The following C1QTNF3 variants were observed in gnomAD, a reference collection of about 807,000 sequenced individuals.
The protein encoded by C1QTNF3 is C1q and TNF related 3, also known as complement C1q tumor necrosis factor-related protein 3.
C1QTNF3 carries 26 observed loss-of-function variants against 32.6 expected under a neutral mutation model. The ratio of observed to expected loss-of-function variants is 0.80; its 90% CI spans 0.58 to 1.11. The LOEUF is 1.11. C1QTNF3 is among the 50% of genes least tolerant of loss of function. The pLI, the probability that C1QTNF3 is intolerant of heterozygous loss-of-function variation, is 0.00. For synonymous variants in C1QTNF3, 155 were observed against 146.0 expected (o/e 1.06, Z -0.44); for missense variants, 362 against 398.2 (o/e 0.91, Z 0.77).
the C1QTNF3 span, among the ~76,000 whole-genome samples, chr5:34,075,312 TAA>T: frequency 2.6e-5 from 4 of 151,568 alleles, no homozygotes; most frequent in African/African-American, 7.3e-5. Flanking sequence ...GTCTAGGAAA[TAA>T]AGAGGCAAAT....
the C1QTNF3 span, among the ~76,000 whole-genome samples, chr5:34,080,371 C>T: frequency 2.6e-5 from 4 of 151,746 alleles, no homozygotes; most frequent in African/African-American, 4.9e-5. Context: ...CGAAGAGCTA[C>T]TAAGTGTGAA....
the C1QTNF3 span, among the ~76,000 whole-genome samples, chr5:34,185,522 G>C: frequency 6.6e-6 from 1 of 152,310 alleles, no homozygotes; most frequent in East Asian, 1.9e-4. Context: ...AGACTTCTTG[G>C]ACTTGTGAAT....
At chr5:34,033,480 A>G (rs773035202) in intron 2 of C1QTNF3, 22 bp from the exon 3 acceptor site, 2 of 1,614,122 alleles carry the variant, frequency 1.2e-6, no homozygotes, top group South Asian at 2.2e-5. Context: ...AGACATCATC[A>G]CATGAGAAAA....
chr5:34,098,527 CTGAGT>C, the C1QTNF3 span, among the ~76,000 whole-genome samples: 1 of 152,084 alleles, frequency 6.6e-6, no homozygotes, highest in South Asian at 2.1e-4. Context: ...CAGAAATGCG[CTGAGT>C]TATTTGTTTG....
the C1QTNF3 span, among the ~76,000 whole-genome samples, chr5:34,209,896 G>A: frequency 6.6e-6 from 1 of 152,008 alleles, no homozygotes; most frequent in Non-Finnish European, 1.5e-5. Flanking sequence ...AGAAAGCACT[G>A]GTCTCAATAG....
the C1QTNF3 span, among the ~76,000 whole-genome samples, chr5:34,156,322 C>T: frequency 1.3e-5 from 2 of 152,180 alleles, no homozygotes; most frequent in Non-Finnish European, 2.9e-5. Context: ...CCACCCGCCT[C>T]GGCCTCCCAA....
At chr5:34,177,106 T>C in the C1QTNF3 span, among the ~76,000 whole-genome samples, 1 of 151,926 alleles carries the variant, frequency 6.6e-6, no homozygotes, top group African/African-American at 2.4e-5. Flanking sequence ...GGAGGAAGGA[T>C]CACTTGAGCC....
At chr5:34,172,262 TAAC>T in the C1QTNF3 span, among the ~76,000 whole-genome samples, 66 of 152,110 alleles carry the variant, frequency 4.3e-4, 1 homozygote, top group Admixed American at 1.2e-3. Flanking sequence ...AGTAAGAAAC[TAAC>T]AACAATAAAA....
At chr5:34,058,313 C>G in the C1QTNF3 span, among the ~76,000 whole-genome samples, 1 of 152,052 alleles carries the variant, frequency 6.6e-6, no homozygotes, top group African/African-American at 2.4e-5. Context: ...GTCATCATCA[C>G]TTGAAGGTTG....
chr5:34,153,853 T>TAATTAAAA, the C1QTNF3 span, among the ~76,000 whole-genome samples: 11 of 32,746 alleles, frequency 3.4e-4, no homozygotes, highest in South Asian at 1.2e-3. Context: ...ACTTAGAGTA[T>TAATTAAAA]AAAAAAAAAA....
chr5:34,131,609 T>C, the C1QTNF3 span, among the ~76,000 whole-genome samples: 1 of 152,136 alleles, frequency 6.6e-6, no homozygotes, highest in African/African-American at 2.4e-5. Context: ...TAGAATGGAA[T>C]ATACTAGAGA....
chr5:34,100,048 T>C, the C1QTNF3 span, among the ~76,000 whole-genome samples: 579 of 152,074 alleles, frequency 3.8e-3, 2 homozygotes, highest in Non-Finnish European at 6.1e-3. Flanking sequence ...AACAGAAATT[T>C]GTTTCTCACA....
At chr5:34,212,837 G>A in the C1QTNF3 span, among the ~76,000 whole-genome samples, 2 of 150,172 alleles carry the variant, frequency 1.3e-5, no homozygotes, top group African/African-American at 4.9e-5. Flanking sequence ...CATTGTGGAA[G>A]TCAGTGTGGC....
At chr5:34,131,029 C>T in the C1QTNF3 span, among the ~76,000 whole-genome samples, 16 of 152,254 alleles carry the variant, frequency 1.1e-4, no homozygotes, top group African/African-American at 3.6e-4. Flanking sequence ...ATTATCCTTG[C>T]CCTAGGCCTT....
At chr5:34,075,535 T>C in the C1QTNF3 span, among the ~76,000 whole-genome samples, 2 of 151,460 alleles carry the variant, frequency 1.3e-5, no homozygotes, top group Non-Finnish European at 2.9e-5. Context: ...TTTGATAGCA[T>C]AAGAGGAGGA....
the C1QTNF3 span, among the ~76,000 whole-genome samples, chr5:34,217,352 C>T: frequency 6.6e-6 from 1 of 152,022 alleles, no homozygotes; most frequent in African/African-American, 2.4e-5. Context: ...AGAATTTGTC[C>T]TCTTTTACAT....
the C1QTNF3 span, among the ~76,000 whole-genome samples, chr5:34,048,690 CA>C: frequency 0.59 from 81,263 of 137,774 alleles, 22,689 homozygotes; most frequent in East Asian, 0.93. Context: ...AACAGCAAGC[CA>C]AAAAAAAAAA....
chr5:34,219,243 T>C, the C1QTNF3 span, among the ~76,000 whole-genome samples: 2 of 152,018 alleles, frequency 1.3e-5, no homozygotes, highest in Non-Finnish European at 2.9e-5. Context: ...GAGTGTATTA[T>C]CCATGATTAT....
chr5:34,020,887 A>G lies in C1QTNF3; in HGVS notation c.801-145T>C, dbSNP rs1027360781. On this transcript the variant is annotated intron_variant, in intron 5 of 5. Transcript: ENST00000382065. ...AACAGCCTGTGAGCAGAAATGACCT[A>G]TGTACCACTTCTAAAGCTGGCTAGT... 4.4e-5 allele frequency: 34 copies of G among 772,248 alleles called. No homozygotes were observed. The Admixed American group carries it at 8.7e-4, about 20-fold the overall frequency. 47.8% of individuals were successfully genotyped at this position (772,248 alleles called of 1,614,324 possible).
Sources: allele counts gnomAD v4.1 joint callset (sites outside exome capture counted in the v4.1 genomes callset), GRCh38; gene constraint gnomAD v4.1.1; transcripts MANE v1.5; gene names NCBI Gene and HGNC (gene_info 2026-07-23, HGNC 2026-07-21).